Variants in RIMS2 observed in about 807,000 individuals in gnomAD.
The protein encoded by RIMS2 is regulating synaptic membrane exocytosis 2, also known as regulating synaptic membrane exocytosis protein 2.
In RIMS2, 59 loss-of-function variants were observed where a neutral mutation model predicts 174.4. The observed-to-expected ratio is 0.34, with a 90% confidence interval of 0.27 to 0.42. The LOEUF (loss-of-function observed/expected upper bound fraction) is 0.42. Ranked by LOEUF, RIMS2 falls within the 10% of genes least tolerant of loss-of-function variation. RIMS2 has a pLI of 1.00. For synonymous variants in RIMS2, 606 were observed against 572.5 expected, an observed-to-expected ratio of 1.06 and a Z score of -0.84; for missense variants, 1,620 against 1,666.3, an observed-to-expected ratio of 0.97 and a Z score of 0.48.
intron 1 of RIMS2, among the ~76,000 whole-genome samples, chr8:103,551,337 A>T (rs940621358): frequency 1.3e-5 from 2 of 152,218 alleles, no homozygotes; most frequent in Non-Finnish European, 2.9e-5. Context: ...AAACAGAATC[A>T]AAGACAAAAA....
intron 19 of RIMS2, among the ~76,000 whole-genome samples, chr8:104,158,392 T>C (rs2134495949): frequency 6.6e-6 from 1 of 152,160 alleles, no homozygotes; most frequent in African/African-American, 2.4e-5. Flanking sequence ...GCATGATTTA[T>C]AATCCTTTGG....
chr8:104,250,946 C>G, intron 22 of RIMS2, 78 bp from the exon 29 acceptor site: 1 of 1,264,684 alleles, frequency 7.9e-7, no homozygotes, highest in South Asian at 1.3e-5. Context: ...GATTACTAAA[C>G]TGGTAAATGT....
At chr8:103,612,857 C>T (rs1481260506) in intron 1 of RIMS2, among the ~76,000 whole-genome samples, 3 of 152,230 alleles carry the variant, frequency 2.0e-5, no homozygotes, top group African/African-American at 4.8e-5. Context: ...GCGTGAGCCA[C>T]TGCACCTGGC....
intron 1 of RIMS2, among the ~76,000 whole-genome samples, chr8:103,561,552 TA>T (rs200272238): frequency 6.6e-6 from 1 of 151,964 alleles, no homozygotes; most frequent in East Asian, 1.9e-4. Flanking sequence ...ATTTCTTGTT[TA>T]AAAAAAACCC....
At chr8:104,209,430 G>T (rs145922196) in intron 19 of RIMS2, among the ~76,000 whole-genome samples, 50 of 152,254 alleles carry the variant, frequency 3.3e-4, no homozygotes, top group African/African-American at 1.2e-3. Flanking sequence ...AAGGCAATAG[G>T]CTTAGAGGAA....
intron 1 of RIMS2, among the ~76,000 whole-genome samples, chr8:103,538,524 T>C (rs1223513646): frequency 2.7e-5 from 4 of 145,734 alleles, no homozygotes; most frequent in African/African-American, 1.0e-4. Flanking sequence ...ATTGTATCAT[T>C]CTTTTTTTTG....
At chr8:103,994,050 C>CAA (rs536495624) in intron 17 of RIMS2, among the ~76,000 whole-genome samples, 4 of 88,298 alleles carry the variant, frequency 4.5e-5, no homozygotes, top group Admixed American at 1.3e-4. Context: ...GACCCTGTCT[C>CAA]AAAAAAAAAA....
At chr8:104,067,303 T>C (rs983228598) in intron 19 of RIMS2, among the ~76,000 whole-genome samples, 7 of 152,178 alleles carry the variant, frequency 4.6e-5, no homozygotes, top group Admixed American at 2.0e-4. Flanking sequence ...AGCTCATTTT[T>C]CCCAGTATGT....
intron 1 of RIMS2, among the ~76,000 whole-genome samples, chr8:103,600,757 T>C (rs2094697464): frequency 6.6e-6 from 1 of 152,196 alleles, no homozygotes; most frequent in South Asian, 2.1e-4. Context: ...TTTTAGTTTT[T>C]TTGAGGAACC....
chr8:103,593,308 G>A lies in RIMS2; in HGVS notation c.176+92246G>A, dbSNP rs974880635. ...TTAACATTTAGAATATTTGAAGAAC[G>A]TCTTCCAGCTGACCAATGTGTGCTG... On this transcript the variant is annotated intron_variant, in intron 1 of 23. Transcript: ENST00000504942. Among the ~76,000 whole-genome samples, 53 of 151,510 alleles carry A rather than the reference G, an allele frequency of 3.5e-4. 1 individual carries two copies. The highest frequency in any genetic ancestry group is 5.3e-4 in the African/African-American group (22 of 41,488).
At chr8:103,717,138 C>CTT (rs11373218) in intron 2 of RIMS2, among the ~76,000 whole-genome samples, 6,165 of 113,122 alleles carry the variant, frequency 0.054, 450 homozygotes, top group African/African-American at 0.17. Context: ...ATAGTGCCTT[C>CTT]TTTTTTTTTT....
chr8:104,208,687 C>G (rs1273564452), intron 19 of RIMS2, among the ~76,000 whole-genome samples: 1 of 152,032 alleles, frequency 6.6e-6, no homozygotes, highest in Non-Finnish European at 1.5e-5. Flanking sequence ...TAGCAGGAAC[C>G]AAATACTACA....
At chr8:104,011,314 A>G (rs897810919) in intron 17 of RIMS2, among the ~76,000 whole-genome samples, 9 of 151,726 alleles carry the variant, frequency 5.9e-5, no homozygotes, top group African/African-American at 2.2e-4. Flanking sequence ...GGTTCTTTTC[A>G]TTTTTCATTT....
At chr8:103,993,128 A>G (rs571751930) in intron 17 of RIMS2, among the ~76,000 whole-genome samples, 2 of 152,238 alleles carry the variant, frequency 1.3e-5, no homozygotes, top group South Asian at 4.1e-4. Context: ...ATATATATAT[A>G]TTTTAAGAGC....
At chr8:103,574,940 T>C (rs777608688) in intron 1 of RIMS2, among the ~76,000 whole-genome samples, 3 of 152,222 alleles carry the variant, frequency 2.0e-5, no homozygotes, top group East Asian at 1.9e-4. Context: ...ATGCCTGTGA[T>C]AGCAATCACA....
At chr8:104,127,495 T>A (rs1470198792) in intron 19 of RIMS2, among the ~76,000 whole-genome samples, 3 of 152,168 alleles carry the variant, frequency 2.0e-5, no homozygotes, top group African/African-American at 7.2e-5. Flanking sequence ...TATATAGCAT[T>A]GTGTTAAGAG....
chr8:104,012,341 A>C (rs555851756), intron 17 of RIMS2, among the ~76,000 whole-genome samples: 1 of 149,750 alleles, frequency 6.7e-6, no homozygotes, highest in South Asian at 2.1e-4. Context: ...TTGGGAAATT[A>C]TGTCCTTTTT....
At chr8:103,913,527 A>G (rs13273017) in intron 6 of RIMS2, among the ~76,000 whole-genome samples, 103,008 of 152,022 alleles carry the variant, frequency 0.68, 35,985 homozygotes, top group African/African-American at 0.78. Flanking sequence ...GGATGTAGGT[A>G]GAATTGGGCT....
At chr8:103,956,584 T>G (rs2154544548) in intron 14 of RIMS2, among the ~76,000 whole-genome samples, 1 of 152,280 alleles carries the variant, frequency 6.6e-6, no homozygotes, top group South Asian at 2.1e-4. Context: ...TCCTGACACC[T>G]TATACAAAAA....
Sources: gnomAD v4.1 joint callset for allele counts (sites outside exome capture counted in the v4.1 genomes callset) on GRCh38, gnomAD v4.1.1 for gene constraint, MANE v1.5 for transcripts, NCBI Gene and HGNC (gene_info 2026-07-23, HGNC 2026-07-21) for gene names.